FGG: variants seen among roughly 807,000 people sequenced by gnomAD.
The protein encoded by FGG is fibrinogen, gamma polypeptide.
FGG carries 20 observed loss-of-function variants against 51.7 expected under a neutral mutation model. The observed-to-expected ratio is 0.39, with a 90% confidence interval of 0.27 to 0.56. The LOEUF (loss-of-function observed/expected upper bound fraction) is 0.56. FGG is among the 20% of genes least tolerant of loss of function. The pLI is 0.64. For missense variants in FGG, 460 were observed against 534.2 expected, an observed-to-expected ratio of 0.86 and a Z score of 1.37; for synonymous variants, 184 against 184.7, an observed-to-expected ratio of 1.00 and a Z score of 0.03.
chr4:154,604,301 A>C lies in FGG; in HGVS notation c.*533T>G. Reference sequence around the variant, plus strand: ...AATATTATATCTCTCTGTTCAGATAAAGTCCTTTAAAAAAGTAAATCTCTT... The same window carrying C: ...AATATTATATCTCTCTGTTCAGATACAGTCCTTTAAAAAAGTAAATCTCTT... On this transcript the variant is annotated 3_prime_UTR_variant, in exon 9 of 9. Coordinates refer to ENST00000336098, the MANE Select transcript of FGG (RefSeq NM_021870.3). 6.7e-7 allele frequency: 1 copy of C among 1,484,850 alleles called. No homozygotes were observed. The highest frequency in any genetic ancestry group is 1.3e-5 in the South Asian group (1 of 74,552). The allele number at this position is 1,484,850 out of a possible 1,614,324, so 92.0% of individuals were successfully genotyped here.
intron 6 of FGG, among the ~76,000 whole-genome samples, chr4:154,609,273 TGACAA>T (rs1359276709): frequency 4.6e-5 from 7 of 152,142 alleles, no homozygotes; most frequent in Admixed American, 3.3e-4. Context: ...TTGACCTACC[TGACAA>T]AAGAGTTTCC....
chr4:154,609,713 T>G lies in FGG; in HGVS notation c.583A>C (p.Ile195Leu). 1 of 1,614,042 alleles carries G rather than the reference T, an allele frequency of 6.2e-7. No individual in the cohort carries two copies. The highest frequency in any genetic ancestry group is 8.5e-7 in the Non-Finnish European group (1 of 1,179,926). ...KGAKQSGLYF[I>L]KPLKANQQFL... ...TGCTGGTTAGCTTTCAGAGGTTTAA[T>G]AAAGTAAAGCCCGCTCTGTTTAGCT... is the stretch of plus-strand genomic sequence containing the variant. Residue 195 changes from isoleucine (I) to leucine (L), a missense_variant, in exon 6 of 9, where the codon ATT (isoleucine) becomes CTT (leucine). Transcript: ENST00000336098.
chr4:154,612,468 T>C, intron 1 of FGG, 33 bp from the exon 2 acceptor site: 2 of 1,613,718 alleles, frequency 1.2e-6, no homozygotes, highest in South Asian at 1.1e-5. Context: ...ATTTCACTAG[T>C]TTATTATCTG....
At chr4:154,605,293 T>G (rs1731077973) in intron 8 of FGG, among the ~76,000 whole-genome samples, 1 of 152,138 alleles carries the variant, frequency 6.6e-6, no homozygotes, top group African/African-American at 2.4e-5. Context: ...CACTTTAAAT[T>G]TATTCACTAC....
At chr4:154,612,480 T>C (rs371282381) in intron 1 of FGG, 45 bp from the exon 2 acceptor site, 23 of 1,613,744 alleles carry the variant, frequency 1.4e-5, no homozygotes, top group Non-Finnish European at 1.9e-5. Context: ...TATTATCTGT[T>C]TTATTTTCCA....
Position 154,611,831 on chromosome 4 carries a change from C to A in FGG, c.375G>T (p.Ser125=). 6.2e-7 allele frequency: 1 copy of A among 1,611,112 alleles called. No individual in the cohort carries two copies. Among genetic ancestry groups the A allele is most frequent in the Non-Finnish European group, 8.5e-7 (1 of 1,178,676 alleles). Residue 125 remains serine, a synonymous_variant, in exon 4 of 9, where the codon TCG becomes TCT. Coordinates refer to ENST00000336098, the MANE Select transcript of FGG (RefSeq NM_021870.3). ...GAATACTTGAGTCATGTGTTAAAATCGATGCTTCATATTTCATAATTTCTT... is the reference window on the plus strand; with the variant it reads ...GAATACTTGAGTCATGTGTTAAAATAGATGCTTCATATTTCATAATTTCTT... The part of the protein sequence containing the change: ...MLEEIMKYEA[S]ILTHDSSIRY...
In FGG at chr4:154,604,220, G is replaced by T; in HGVS notation, c.*614C>A. 2 of 680,148 alleles carry T rather than the reference G, an allele frequency of 2.9e-6. No homozygotes were observed. Among genetic ancestry groups the T allele is most frequent in the Non-Finnish European group, 4.7e-6 (2 of 423,706 alleles). 42.1% of individuals were successfully genotyped at this position (680,148 alleles called of 1,614,324 possible). A position where few individuals can be genotyped will look rare whatever the true frequency, so the allele number is the denominator to read the frequency against. On this transcript the variant is annotated 3_prime_UTR_variant, in exon 9 of 9. Transcript: ENST00000336098. ...AACTGTTATGGAGTTTTCAACATGG[G>T]GTCTTTTGCTCTTAAAATGAAGTGA...
rs374917187 is a variant in FGG, at chr4:154,604,938, T to C, written c.1258A>G (p.Ile420Val). 3.2e-5 allele frequency: 52 copies of C among 1,613,932 alleles called. No homozygotes were observed. In the African/African-American group the frequency reaches 4.4e-4, roughly 14 times the overall value. ...MKIIPFNRLTIGEGQQHHLGG... is the reference protein window; with the variant it reads ...MKIIPFNRLTVGEGQQHHLGG... ...AGGTGGTGTTGCTGTCCTTCTCCAA[T>C]TGTGAGTCTGTTGAATGGGATTATC... Residue 420 changes from isoleucine to valine, a missense_variant, in exon 9 of 9, where the codon ATT becomes GTT. This residue lies in a region of FGG where 92 missense variants were observed against 93.7 expected (regional missense o/e 0.98). Coordinates refer to ENST00000336098, the MANE Select transcript of FGG (RefSeq NM_021870.3).
chr4:154,604,678 T>TA lies in FGG; in HGVS notation c.*155_*156insT. On this transcript the variant is annotated 3_prime_UTR_variant, in exon 9 of 9. Coordinates refer to ENST00000336098, the MANE Select transcript of FGG (RefSeq NM_021870.3). ...TTAAATAACTCTGATATCAGTAATTTGGAAATACAGTCCTAAATGAGTTTT... is the reference window on the plus strand; with the variant it reads ...TTAAATAACTCTGATATCAGTAATTTAGGAAATACAGTCCTAAATGAGTTTT... 1 of 1,434,398 alleles carries TA rather than the reference T, an allele frequency of 7.0e-7. No homozygotes were observed. The highest frequency in any genetic ancestry group is 9.1e-7 in the Non-Finnish European group (1 of 1,097,118). 88.9% of individuals were successfully genotyped at this position (1,434,398 alleles called of 1,614,324 possible).
Position 154,606,406 on chromosome 4 carries a change from T to C in FGG, c.1129+299A>G, listed in dbSNP as rs1731097412. ...TGTTAATCCATCCAGATCATTTATGTTGTATGTCTAAAGGAGATCCCACAA... is the reference window on the plus strand; with the variant it reads ...TGTTAATCCATCCAGATCATTTATGCTGTATGTCTAAAGGAGATCCCACAA... On this transcript the variant is annotated intron_variant, in intron 8 of 8. Coordinates refer to ENST00000336098, the MANE Select transcript of FGG (RefSeq NM_021870.3). 4.6e-5 allele frequency among the ~76,000 whole-genome samples: 7 copies of C among 152,308 alleles called. No homozygotes were observed. The South Asian group carries it at 1.4e-3, about 32-fold the overall frequency.
chr4:154,606,861 G>T lies in FGG; in HGVS notation c.973C>A (p.Pro325Thr). The T allele has an allele frequency of 2.5e-6, 4 of 1,613,916 alleles. No homozygotes were observed. Among genetic ancestry groups the T allele is most frequent in the Non-Finnish European group, 3.4e-6 (4 of 1,179,876 alleles). ...TGGGATGTGAAAAACTTGTCACTAG[G>T]ATCATCGCCAAAATCAAAGCCATCA... ...AFDGFDFGDD[P>T]SDKFFTSHNG... Residue 325 changes from proline to threonine, a missense_variant, in exon 8 of 9, where the codon CCT (proline) becomes ACT (threonine). By Grantham distance (38) the Pro-to-Thr change is conservative (BLOSUM62 -1). Transcript: ENST00000336098.
intron 8 of FGG, 38 bp downstream of exon 8, chr4:154,606,662 ATACAC>A (rs768299000): frequency 1.3e-6 from 2 of 1,583,794 alleles, no homozygotes; most frequent in African/African-American, 2.7e-5. Context: ...TGAAAATAGT[ATACAC>A]TATACATTAA....
At position 154,609,098 on chromosome 4, in the gene FGG, G is replaced by A. The variant is rs2066859; in HGVS notation, c.667-448C>T. Among the ~76,000 whole-genome samples, 1,057 of 152,146 alleles carry A rather than the reference G, an allele frequency of 6.9e-3. 5 individuals are homozygous for A. Among genetic ancestry groups the A allele is most frequent in the Non-Finnish European group, 0.011 (745 of 67,986 alleles). ...GGTGGGAGGTAAACAGAAAGTAAAG[G>A]AGCCAAGATTCCTAGTGGGTATCAG... On this transcript the variant is annotated intron_variant, in intron 6 of 8. Transcript: ENST00000336098.
chr4:154,611,773 C>G (rs772663383), intron 4 of FGG, 32 bp downstream of exon 4: 3 of 1,417,596 alleles, frequency 2.1e-6, no homozygotes, highest in Non-Finnish European at 3.0e-6. Flanking sequence ...CTAAATCAGT[C>G]TTGCAGAGCA....
In FGG at chr4:154,612,382, A is replaced by C; in HGVS notation, c.123+9T>G. The C allele has an allele frequency of 6.2e-7, 1 of 1,612,846 alleles. No individual in the cohort carries two copies. The highest frequency in any genetic ancestry group is 1.1e-5 in the South Asian group (1 of 91,028). The stretch of plus-strand genomic sequence containing the variant: ...CACACACAAAGGGAGAAACATAAAA[A>C]CTACTTACGAATCTTTCATCTAAGA... On this transcript the variant is annotated intron_variant, in intron 2 of 8. Coordinates refer to ENST00000336098, the MANE Select transcript of FGG (RefSeq NM_021870.3).
intron 6 of FGG, among the ~76,000 whole-genome samples, chr4:154,608,956 T>G (rs1560835208): frequency 6.6e-6 from 1 of 152,222 alleles, no homozygotes; most frequent in Non-Finnish European, 1.5e-5. Flanking sequence ...GAACTCTAGC[T>G]GGATATTACT....
Position 154,612,009 on chromosome 4 carries a change from T to C in FGG, c.307+9A>G, listed in dbSNP as rs901738593. 1 of 1,612,626 alleles carries C rather than the reference T, an allele frequency of 6.2e-7. No individual in the cohort carries two copies. The highest frequency in any genetic ancestry group is 1.7e-4 in the Middle Eastern group (1 of 6,016). On this transcript the variant is annotated intron_variant, in intron 3 of 8. Transcript: ENST00000336098. ...ATTATTTTTTGGTCAGTAGTCTTTA[T>C]TTTCTCACTTGGTTTTGATGATTCA...
intron 5 of FGG, 103 bp downstream of exon 5, chr4:154,609,964 G>T: frequency 6.5e-7 from 1 of 1,550,246 alleles, no homozygotes; most frequent in South Asian, 1.1e-5. Flanking sequence ...AGACTTAATG[G>T]GTAGCCACTT....
In FGG at chr4:154,609,619, G is replaced by GT. The variant is rs1553965754; in HGVS notation, c.666+10_666+11insA. 1 of 1,613,554 alleles carries GT rather than the reference G, an allele frequency of 6.2e-7. No individual in the cohort carries two copies. The highest frequency in any genetic ancestry group is 8.5e-7 in the Non-Finnish European group (1 of 1,179,802). ...GAATTTATTAAATACACATGGTGGG[G>GT]AAAAAATTACCTTCTGAAACACAGT... is the stretch of plus-strand genomic sequence containing the variant. On this transcript the variant is annotated intron_variant, in intron 6 of 8. Transcript: ENST00000336098.
Sources: gnomAD v4.1 joint callset for allele counts (sites outside exome capture counted in the v4.1 genomes callset) on GRCh38, gnomAD v4.1.1 for gene constraint, gnomAD v4.1.1 regional missense constraint, MANE v1.5 for transcripts, NCBI Gene and HGNC (gene_info 2026-07-23, HGNC 2026-07-21) for gene names.